IL31RA: variants seen among roughly 807,000 people sequenced by gnomAD.
IL31RA encodes the protein interleukin 31 receptor A, also known as interleukin-31 receptor subunit alpha.
IL31RA carries 66 observed loss-of-function variants against 83.7 expected under a neutral mutation model. That is an observed-to-expected ratio of 0.79 (90% CI 0.65 to 0.97). IL31RA has a LOEUF of 0.97. Ranked by LOEUF, IL31RA falls within the 50% of genes least tolerant of loss-of-function variation. The pLI is 0.00. For missense variants in IL31RA, 798 were observed against 919.4 expected, an observed-to-expected ratio of 0.87 and a Z score of 1.71; for synonymous variants, 325 against 329.0, an observed-to-expected ratio of 0.99 and a Z score of 0.13.
At chr5:55,867,728 G>C (rs1445502429) in intron 2 of IL31RA, among the ~76,000 whole-genome samples, 1 of 152,164 alleles carries the variant, frequency 6.6e-6, no homozygotes, top group African/African-American at 2.4e-5. Context: ...GGCTGGGGAG[G>C]CCTCAGAATC....
Position 55,872,435 on chromosome 5 carries a change from G to A in IL31RA, c.438G>A (p.Trp146Ter). 1 of 1,602,488 alleles carries A rather than the reference G, an allele frequency of 6.2e-7. No homozygotes were observed. Among genetic ancestry groups the A allele is most frequent in the Non-Finnish European group, 8.5e-7 (1 of 1,169,918 alleles). ...TAATTAAATCTCATATGACATACTGGAGATTAGAGAACATAGGTAAGTGTT... is the reference window on the plus strand; with the variant it reads ...TAATTAAATCTCATATGACATACTGAAGATTAGAGAACATAGGTAAGTGTT... ...DGVIKSHMTY[W>*]RLENIAKTEP... The change falls in exon 4 of 15, where the codon TGG becomes TGA. Residue 146 changes from tryptophan to a stop codon, truncating the protein, a stop_gained. Transcript: ENST00000652347. LOFTEE classifies it high-confidence loss of function.
chr5:55,881,706 A>G (rs1747244150), intron 4 of IL31RA, among the ~76,000 whole-genome samples: 2 of 133,936 alleles, frequency 1.5e-5, no homozygotes, highest in Admixed American at 1.5e-4. Flanking sequence ...CCACTCGCCC[A>G]GTTCCTGAGA....
At chr5:55,885,882 A>G (rs1338475867) in intron 5 of IL31RA, among the ~76,000 whole-genome samples, 1 of 152,162 alleles carries the variant, frequency 6.6e-6, no homozygotes, top group Non-Finnish European at 1.5e-5. Flanking sequence ...ACCACATGTC[A>G]TGGTCTCCGT....
chr5:55,903,915 C>T lies in IL31RA; in HGVS notation c.1070-2191C>T, dbSNP rs1748974740. 6.6e-6 allele frequency among the ~76,000 whole-genome samples: 1 copy of T among 152,196 alleles called. No homozygotes were observed. Among genetic ancestry groups the T allele is most frequent in the South Asian group, 2.1e-4 (1 of 4,832 alleles). On this transcript the variant is annotated intron_variant, in intron 8 of 14. Coordinates refer to ENST00000652347, the MANE Select transcript of IL31RA (RefSeq NM_139017.7). The surrounding 1 kb of genome is among the most constrained non-coding windows in gnomAD (Gnocchi z 4.7). ...GTCCCACATCAAGGTGCTGGTTGGCCATGCTCCCTAAAGTCTCTAGGGGAG... is the reference window on the plus strand; with the variant it reads ...GTCCCACATCAAGGTGCTGGTTGGCTATGCTCCCTAAAGTCTCTAGGGGAG...
intron 1 of IL31RA, among the ~76,000 whole-genome samples, chr5:55,853,904 A>G (rs1580641557): frequency 6.6e-6 from 1 of 152,196 alleles, no homozygotes; most frequent in Non-Finnish European, 1.5e-5. Context: ...ATGGCAGGAG[A>G]GCTGAGAGAG....
Position 55,903,167 on chromosome 5 carries a change from G to A in IL31RA, c.1070-2939G>A, listed in dbSNP as rs1748928651. On this transcript the variant is annotated intron_variant, in intron 8 of 14. Transcript: ENST00000652347. This position sits in a 1 kb window ranked among gnomAD's most constrained non-coding sequence, Gnocchi z 4.7. ...ACCCGAGACAGCAGGCAGCGGTGGC[G>A]TGGTCCCAGGCAGGGCATCGGAAAG... 4.6e-5 allele frequency among the ~76,000 whole-genome samples: 7 copies of A among 152,158 alleles called. 1 individual carries two copies. The South Asian group carries it at 1.0e-3, about 23-fold the overall frequency.
rs35642963 is a variant in IL31RA, at chr5:55,867,233, TTGTG to T, written c.155-1550_155-1547del. ...TGCGCATGTGTGTTTGTGTGTGTGT[TTGTG>T]TGTGTGTTTGTGTGTGCGTGTGTTT... On this transcript the variant is annotated intron_variant, in intron 2 of 14. Transcript: ENST00000652347. Among the ~76,000 whole-genome samples, 244 of 109,046 alleles carry T rather than the reference TTGTG, an allele frequency of 2.2e-3. 4 individuals are homozygous for T. Among genetic ancestry groups the T allele is most frequent in the South Asian group, 3.8e-3 (13 of 3,408 alleles). The allele number at this position is 109,046 out of a possible 152,430, so 71.5% of individuals were successfully genotyped here.
intron 2 of IL31RA, among the ~76,000 whole-genome samples, chr5:55,868,485 T>G (rs1354739302): frequency 6.6e-6 from 1 of 152,244 alleles, no homozygotes; most frequent in Non-Finnish European, 1.5e-5. Context: ...TTACTGAGTA[T>G]ATCACAAATA....
At chr5:55,897,836 G>C (rs990205683) in intron 7 of IL31RA, among the ~76,000 whole-genome samples, 1 of 152,212 alleles carries the variant, frequency 6.6e-6, no homozygotes, top group Non-Finnish European at 1.5e-5. Flanking sequence ...TCCTTCGTGT[G>C]CCTCCAGAAT....
At chr5:55,856,000 A>C (rs1426776511) in intron 1 of IL31RA, among the ~76,000 whole-genome samples, 1 of 152,154 alleles carries the variant, frequency 6.6e-6, no homozygotes, top group Non-Finnish European at 1.5e-5. Flanking sequence ...GAGTTCAAGC[A>C]ATTCTCCTGC....
At position 55,896,270 on chromosome 5, in the gene IL31RA, C is replaced by T. The variant is rs1056334850; in HGVS notation, c.773-80C>T. ...ATGGCTCCCTCAAGCAAATCCTTCCCAACTGCCCAGCTAACCTTTCCTGTC... is the reference window on the plus strand; with the variant it reads ...ATGGCTCCCTCAAGCAAATCCTTCCTAACTGCCCAGCTAACCTTTCCTGTC... On this transcript the variant is annotated intron_variant, in intron 6 of 14. Transcript: ENST00000652347. 2.1e-5 allele frequency: 20 copies of T among 961,256 alleles called. No individual in the cohort carries two copies. In the African/African-American group the frequency reaches 2.4e-4, roughly 12 times the overall value. The allele number at this position is 961,256 out of a possible 1,614,324, so 59.5% of individuals were successfully genotyped here. A position where few individuals can be genotyped will look rare whatever the true frequency, so the allele number is the denominator to read the frequency against.
intron 6 of IL31RA, among the ~76,000 whole-genome samples, chr5:55,895,667 C>T (rs527487080): frequency 6.6e-6 from 1 of 152,326 alleles, no homozygotes; most frequent in East Asian, 1.9e-4. Context: ...ACGTTACTCT[C>T]TGTCCTTTTT....
chr5:55,839,904 C>G, the IL31RA span: 1 of 700,244 alleles, frequency 1.4e-6, no homozygotes. Context: ...AAACGAATAC[C>G]TTGAGCCTTA....
chr5:55,910,854 A>C (rs1186493484), intron 12 of IL31RA, among the ~76,000 whole-genome samples, 182 bp downstream of exon 12: 17 of 152,174 alleles, frequency 1.1e-4, no homozygotes, highest in Admixed American at 1.1e-3. Context: ...GGGAGGGAAG[A>C]GCAGGCAAGT....
rs201735718 is a variant in IL31RA at position 55,910,501 on chromosome 5, G to A, written c.1502-31G>A. The A allele has an allele frequency of 2.5e-6, 4 of 1,613,762 alleles. No homozygotes were observed. In the Admixed American group the frequency reaches 5.0e-5, roughly 20 times the overall value. On this transcript the variant is annotated intron_variant, in intron 11 of 14. Transcript: ENST00000652347. ...ACACAATTTTCAGTCTGGTTTGGCT[G>A]TGGTGTTTGACCTTTGTATTTTTCC...
chr5:55,867,272 TG>T (rs1476811308), intron 2 of IL31RA, among the ~76,000 whole-genome samples: 4 of 113,170 alleles, frequency 3.5e-5, no homozygotes, highest in Non-Finnish European at 5.2e-5. Context: ...TGTGTGCGTG[TG>T]TGTGCATGTG....
chr5:55,880,046 C>G (rs982473883), intron 4 of IL31RA, among the ~76,000 whole-genome samples: 3 of 152,026 alleles, frequency 2.0e-5, no homozygotes, highest in African/African-American at 7.2e-5. Context: ...TTCCCTTTTC[C>G]AATACCAGTT....
rs547992094 is a variant in IL31RA, at chr5:55,906,215, G to A, written c.1179G>A (p.Pro393=). ...ACACTTGGATGATTGAATGGTTTCC[G>A]GATGTGGACTCAGAGCCCACCACCC... ...DVNTWMIEWF[P]DVDSEPTTLS... Residue 393 remains proline (P), a synonymous_variant, in exon 9 of 15, where the codon CCG becomes CCA. Coordinates refer to ENST00000652347, the MANE Select transcript of IL31RA (RefSeq NM_139017.7). The A allele has an allele frequency of 1.3e-4, 202 of 1,614,176 alleles. No homozygotes were observed. Among genetic ancestry groups the A allele is most frequent in the Non-Finnish European group, 1.6e-4 (189 of 1,180,028 alleles).
At chr5:55,839,996 C>T in the IL31RA span, 1 of 546,356 alleles carries the variant, frequency 1.8e-6, no homozygotes, top group Non-Finnish European at 3.4e-6. Context: ...TCAACATAAA[C>T]CCCTCGCCAC....
Sources: gnomAD v4.1 joint callset for allele counts (sites outside exome capture counted in the v4.1 genomes callset) on GRCh38, gnomAD v4.1.1 for gene constraint, Gnocchi (gnomAD v3.1) non-coding constraint, MANE v1.5 for transcripts, NCBI Gene and HGNC (gene_info 2026-07-23, HGNC 2026-07-21) for gene names.